Variants in GRIN2D observed in about 807,000 individuals in gnomAD.
The protein encoded by GRIN2D is glutamate receptor ionotropic, NMDA 2D.
A neutral mutation model predicts 103.2 loss-of-function variants in GRIN2D; 37 were observed. The ratio of observed to expected loss-of-function variants is 0.36; its 90% confidence interval spans 0.28 to 0.47. The LOEUF is 0.47. GRIN2D is among the 20% of genes least tolerant of loss of function. The pLI is 1.00. For synonymous variants in GRIN2D, 845 were observed against 885.6 expected, an observed-to-expected ratio of 0.95 and a Z score of 0.81; for missense variants, 1,557 against 1,910.6, an observed-to-expected ratio of 0.81 and a Z score of 3.45.
rs2147457905 is a variant in GRIN2D, at chr19:48,421,957, C to T, written c.2252+12C>T. ...CAGCTCAAGGCAGGGTCAGCGCAGA[C>T]TCGGGCCGGGGGTGGGGGTTGGGCC... On this transcript the variant is annotated intron_variant, in intron 11 of 13. Coordinates refer to ENST00000263269, the MANE Select transcript of GRIN2D (RefSeq NM_000836.4). This position sits in a 1 kb window ranked among gnomAD's most constrained non-coding sequence, Gnocchi z 4.8. The T allele has an allele frequency of 6.2e-7, 1 of 1,612,576 alleles. No individual in the cohort carries two copies. Among genetic ancestry groups the T allele is most frequent in the Middle Eastern group, 1.7e-4 (1 of 6,038 alleles).
At chr19:48,411,718 C>T (rs1205480990) in intron 4 of GRIN2D, among the ~76,000 whole-genome samples, 1 of 151,418 alleles carries the variant, frequency 6.6e-6, no homozygotes, top group African/African-American at 2.4e-5. Flanking sequence ...GTTTTTCAGG[C>T]AGAGAGAACA....
chr19:48,438,216 C>T (rs987156458), intron 11 of GRIN2D, among the ~76,000 whole-genome samples: 9 of 149,618 alleles, frequency 6.0e-5, no homozygotes, highest in African/African-American at 1.7e-4. Context: ...AGGCTAACTA[C>T]TCAAGACTAG....
In GRIN2D at chr19:48,401,181, T is replaced by A. The variant is rs572038797; in HGVS notation, c.465+2324T>A. Among the ~76,000 whole-genome samples, 5 of 152,076 alleles carry A rather than the reference T, an allele frequency of 3.3e-5. No homozygotes were observed. The South Asian group carries it at 1.0e-3, about 31-fold the overall frequency. On this transcript the variant is annotated intron_variant, in intron 3 of 13. Coordinates refer to ENST00000263269, the MANE Select transcript of GRIN2D (RefSeq NM_000836.4). ...GGAGAAAGCCCACTTGCTGTTCTCATTGCATTACAGGAAGATTTATTGAGA... is the reference window on the plus strand; with the variant it reads ...GGAGAAAGCCCACTTGCTGTTCTCAATGCATTACAGGAAGATTTATTGAGA...
intron 4 of GRIN2D, among the ~76,000 whole-genome samples, chr19:48,407,904 G>T (rs1235574151): frequency 6.6e-6 from 1 of 152,170 alleles, no homozygotes; most frequent in Non-Finnish European, 1.5e-5. Context: ...AAAAAACATG[G>T]ATAGGCCGGG....
Position 48,442,184 on chromosome 19 carries a change from T to C in GRIN2D, c.2475T>C (p.Ser825=). The change falls in exon 13 of 14, where the codon TCT becomes TCC. Residue 825 remains serine, a synonymous_variant. Coordinates refer to ENST00000263269, the MANE Select transcript of GRIN2D (RefSeq NM_000836.4). The surrounding 1 kb of genome is among the most constrained non-coding windows in gnomAD (Gnocchi z 7.2). The part of the protein sequence containing the change: ...EIEMLERLWL[S]GICHNDKIEV... Reference sequence around the variant, plus strand: ...AGATGCTGGAGCGGCTGTGGCTCTCTGGGATCTGCCACAATGACAAAATCG... The same window carrying C: ...AGATGCTGGAGCGGCTGTGGCTCTCCGGGATCTGCCACAATGACAAAATCG... The C allele has an allele frequency of 6.2e-7, 1 of 1,614,168 alleles. No homozygotes were observed. The highest frequency in any genetic ancestry group is 8.5e-7 in the Non-Finnish European group (1 of 1,180,016).
intron 11 of GRIN2D, among the ~76,000 whole-genome samples, chr19:48,429,651 G>A (rs567516066): frequency 7.9e-5 from 12 of 151,974 alleles, no homozygotes; most frequent in East Asian, 3.9e-4. Context: ...TGCCCACCTC[G>A]GCCTCCCAAA....
Position 48,444,036 on chromosome 19 carries a change from C to A in GRIN2D, c.*99C>A. The A allele has an allele frequency of 2.5e-6, 2 of 801,620 alleles. No homozygotes were observed. Among genetic ancestry groups the A allele is most frequent in the Non-Finnish European group, 3.5e-6 (2 of 568,202 alleles). 49.7% of individuals were successfully genotyped at this position (801,620 alleles called of 1,614,324 possible). A position where few individuals can be genotyped will look rare whatever the true frequency, so the allele number is the denominator to read the frequency against. The stretch of plus-strand genomic sequence containing the variant: ...GACCCGCGTGGGTTGGGAAGGAAAG[C>A]AGTGGAACTGGCCGGACCCCGCCTG... On this transcript the variant is annotated 3_prime_UTR_variant, in exon 14 of 14. Transcript: ENST00000263269. This position sits in a 1 kb window ranked among gnomAD's most constrained non-coding sequence, Gnocchi z 5.5.
Position 48,414,761 on chromosome 19 carries a change from C to T in GRIN2D, c.1413-103C>T. On this transcript the variant is annotated intron_variant, in intron 6 of 13. Transcript: ENST00000263269. This position sits in a 1 kb window ranked among gnomAD's most constrained non-coding sequence, Gnocchi z 4.6. ...CCTGAGTTTCCCCTGAAAGCGCTAACCATAGTTTTAGCTGCCGCCTATCCC... is the reference window on the plus strand; with the variant it reads ...CCTGAGTTTCCCCTGAAAGCGCTAATCATAGTTTTAGCTGCCGCCTATCCC... The T allele has an allele frequency of 7.2e-7, 1 of 1,382,704 alleles. No individual in the cohort carries two copies. Among genetic ancestry groups the T allele is most frequent in the Non-Finnish European group, 1.0e-6 (1 of 1,002,436 alleles). 85.7% of individuals were successfully genotyped at this position (1,382,704 alleles called of 1,614,324 possible).
chr19:48,427,623 C>T (rs978989595), intron 11 of GRIN2D, among the ~76,000 whole-genome samples: 15 of 151,374 alleles, frequency 9.9e-5, no homozygotes, highest in Non-Finnish European at 2.1e-4. Context: ...GGATTACAGG[C>T]ATCTGCCACT....
intron 2 of GRIN2D, among the ~76,000 whole-genome samples, chr19:48,396,757 G>C (rs1569056705): frequency 6.6e-6 from 1 of 152,044 alleles, no homozygotes; most frequent in Non-Finnish European, 1.5e-5. Flanking sequence ...AGGCAGGGGA[G>C]GGGTGGTGGA....
Position 48,415,991 on chromosome 19 carries a change from C to T in GRIN2D, c.1582-11C>T. The T allele has an allele frequency of 1.9e-6, 3 of 1,611,804 alleles. No homozygotes were observed. The highest frequency in any genetic ancestry group is 2.5e-6 in the Non-Finnish European group (3 of 1,178,944). ...GGTTCCCCCGCCCACTCCTCATCGC[C>T]CCCACCCCAGGTGTTCTACCAGCGC... On this transcript the variant is annotated splice_polypyrimidine_tract_variant and intron_variant, in intron 7 of 13. Coordinates refer to ENST00000263269, the MANE Select transcript of GRIN2D (RefSeq NM_000836.4).
chr19:48,396,471 G>C (rs950187294), intron 2 of GRIN2D, among the ~76,000 whole-genome samples: 5 of 152,044 alleles, frequency 3.3e-5, no homozygotes, highest in African/African-American at 1.2e-4. Context: ...GGGCTGGAGG[G>C]TGAGCAGCCA....
At chr19:48,437,165 A>G (rs1422639122) in intron 11 of GRIN2D, among the ~76,000 whole-genome samples, 1 of 152,142 alleles carries the variant, frequency 6.6e-6, no homozygotes, top group Non-Finnish European at 1.5e-5. Context: ...TCTGTAACCC[A>G]GGCTGGAGTA....
intron 11 of GRIN2D, among the ~76,000 whole-genome samples, chr19:48,440,065 G>T (rs1447140586): frequency 1.3e-5 from 2 of 152,136 alleles, no homozygotes; most frequent in Non-Finnish European, 2.9e-5. Context: ...TACAAAATTA[G>T]CCGTGTGTGG....
chr19:48,399,916 T>C (rs1970689171), intron 3 of GRIN2D, among the ~76,000 whole-genome samples: 1 of 150,658 alleles, frequency 6.6e-6, no homozygotes, highest in African/African-American at 2.4e-5. Context: ...CTAAGCACTC[T>C]AATAAAGGGG....
chr19:48,411,152 T>C (rs1420236642), intron 4 of GRIN2D, among the ~76,000 whole-genome samples: 2 of 151,658 alleles, frequency 1.3e-5, no homozygotes, highest in Non-Finnish European at 1.5e-5. Context: ...CGAAACCTCG[T>C]CTCCACCAAA....
At chr19:48,435,482 G>A (rs1799283) in intron 11 of GRIN2D, among the ~76,000 whole-genome samples, 100,519 of 151,724 alleles carry the variant, frequency 0.66, 35,214 homozygotes, top group Non-Finnish European at 0.79. Context: ...TAGCAACAGG[G>A]TTTCGCCATG....
chr19:48,406,383 A>C (rs993587606), intron 4 of GRIN2D, among the ~76,000 whole-genome samples: 7 of 152,220 alleles, frequency 4.6e-5, no homozygotes, highest in African/African-American at 7.2e-5. Context: ...TAGCATCTCC[A>C]CGGTAGGAAG....
At chr19:48,416,870 A>G (rs1281814723) in intron 8 of GRIN2D, among the ~76,000 whole-genome samples, 1 of 151,450 alleles carries the variant, frequency 6.6e-6, no homozygotes, top group African/African-American at 2.4e-5. Context: ...TCAGCCTGCC[A>G]AGTAACTGGG....
Sources: allele counts gnomAD v4.1 joint callset (sites outside exome capture counted in the v4.1 genomes callset), GRCh38; gene constraint gnomAD v4.1.1; non-coding constraint Gnocchi (gnomAD v3.1); transcripts MANE v1.5; gene names NCBI Gene and HGNC (gene_info 2026-07-23, HGNC 2026-07-21).